ARL15: variants seen among roughly 807,000 people sequenced by gnomAD.
ARL15 encodes the protein ADP-ribosylation factor-like protein 15.
A neutral mutation model predicts 25.2 loss-of-function variants in ARL15; 19 were observed. The observed-to-expected ratio is 0.75, with a 90% CI of 0.53 to 1.10. The LOEUF (loss-of-function observed/expected upper bound fraction) is 1.10. ARL15 is among the 50% of genes least tolerant of loss of function. The pLI, the probability that ARL15 is intolerant of heterozygous loss-of-function variation, is 0.00. For missense variants in ARL15, 220 were observed against 246.0 expected, an observed-to-expected ratio of 0.89 and a Z score of 0.71; for synonymous variants, 94 against 86.8, an observed-to-expected ratio of 1.08 and a Z score of -0.46.
intron 4 of ARL15, among the ~76,000 whole-genome samples, chr5:53,995,058 C>A (rs1032843617): frequency 6.6e-6 from 1 of 152,068 alleles, no homozygotes; most frequent in Non-Finnish European, 1.5e-5. Flanking sequence ...TGCCTGTAAT[C>A]CCAGCACTTT....
intron 4 of ARL15, among the ~76,000 whole-genome samples, chr5:53,903,995 G>C (rs1271907915): frequency 2.6e-5 from 4 of 152,034 alleles, no homozygotes; most frequent in Non-Finnish European, 5.9e-5. Context: ...GGAAAAGAAA[G>C]TACCACAGCA....
chr5:54,232,511 G>A (rs976920726), intron 1 of ARL15, among the ~76,000 whole-genome samples: 3 of 152,142 alleles, frequency 2.0e-5, no homozygotes, highest in African/African-American at 7.2e-5. Flanking sequence ...AAGACCCTAA[G>A]TTCATATTTG....
intron 4 of ARL15, among the ~76,000 whole-genome samples, chr5:54,058,291 C>A (rs1016147767): frequency 1.3e-5 from 2 of 152,086 alleles, no homozygotes; most frequent in African/African-American, 4.8e-5. Context: ...CAGGTGTGAG[C>A]CACCGTGCCT....
At chr5:54,233,821 C>A (rs1370875658) in intron 1 of ARL15, among the ~76,000 whole-genome samples, 7 of 152,140 alleles carry the variant, frequency 4.6e-5, no homozygotes, top group Admixed American at 4.6e-4. Context: ...CATACTTTAA[C>A]CAAAACACAC....
intron 4 of ARL15, among the ~76,000 whole-genome samples, chr5:54,021,179 T>C (rs1749589299): frequency 6.6e-6 from 1 of 150,894 alleles, no homozygotes; most frequent in Non-Finnish European, 1.5e-5. Flanking sequence ...CTACTAAAAA[T>C]ACAAAATTAG....
rs545100222 is a variant in ARL15, at chr5:54,050,671, A to G, written c.462+62531T>C. 8.5e-5 allele frequency among the ~76,000 whole-genome samples: 13 copies of G among 152,306 alleles called. No homozygotes were observed. In the South Asian group the frequency reaches 2.5e-3, roughly 29 times the overall value. ...TGAATATGAGGCTTTATAAACCAAT[A>G]TTTTAAAATTTCATGATCAGAAAAA... On this transcript the variant is annotated intron_variant, in intron 4 of 4. Coordinates refer to ENST00000504924, the MANE Select transcript of ARL15 (RefSeq NM_019087.3).
chr5:53,961,687 A>C (rs1747378984), intron 4 of ARL15, among the ~76,000 whole-genome samples: 1 of 152,196 alleles, frequency 6.6e-6, no homozygotes, highest in African/African-American at 2.4e-5. Flanking sequence ...AGAAAATTCC[A>C]ACAGTAGAGA....
intron 1 of ARL15, among the ~76,000 whole-genome samples, chr5:54,204,459 T>G (rs1032281462): frequency 2.0e-5 from 3 of 152,210 alleles, no homozygotes; most frequent in African/African-American, 7.2e-5. Flanking sequence ...TTTTGGCAGA[T>G]GCACACTGCT....
intron 1 of ARL15, among the ~76,000 whole-genome samples, chr5:54,302,338 C>A (rs1758634929): frequency 6.6e-6 from 1 of 152,212 alleles, no homozygotes; most frequent in Non-Finnish European, 1.5e-5. Context: ...CCCTGACCCT[C>A]CACTGGTTAT....
intron 4 of ARL15, among the ~76,000 whole-genome samples, chr5:53,944,485 G>A (rs891843436): frequency 6.6e-6 from 1 of 151,998 alleles, no homozygotes; most frequent in Admixed American, 6.6e-5. Context: ...GGTGGCATGC[G>A]GGAGGCTGAG....
At chr5:54,075,972 T>C (rs1751586092) in intron 4 of ARL15, among the ~76,000 whole-genome samples, 1 of 152,206 alleles carries the variant, frequency 6.6e-6, no homozygotes, top group Non-Finnish European at 1.5e-5. Context: ...CCCATTATAC[T>C]ACCTTATATC....
chr5:54,007,052 T>C (rs1169477834), intron 4 of ARL15, among the ~76,000 whole-genome samples: 1 of 152,074 alleles, frequency 6.6e-6, no homozygotes. Context: ...TTCAAAAAAA[T>C]AAAGTTAGGT....
chr5:54,215,955 A>G (rs997852496), intron 1 of ARL15, among the ~76,000 whole-genome samples: 1 of 152,236 alleles, frequency 6.6e-6, no homozygotes, highest in African/African-American at 2.4e-5. Context: ...GCATTAGATC[A>G]AAGAATCAAG....
chr5:53,967,798 T>C (rs1747611574), intron 4 of ARL15, among the ~76,000 whole-genome samples: 1 of 151,944 alleles, frequency 6.6e-6, no homozygotes, highest in African/African-American at 2.4e-5. Flanking sequence ...AACATCAGCA[T>C]GTAAGAAGCA....
chr5:54,065,441 G>T (rs1280926230), intron 4 of ARL15, among the ~76,000 whole-genome samples: 1 of 152,102 alleles, frequency 6.6e-6, no homozygotes, highest in Non-Finnish European at 1.5e-5. Flanking sequence ...TGAGGCGGGC[G>T]GATCACCTCA....
chr5:54,252,759 C>CT (rs1391703092), intron 1 of ARL15, among the ~76,000 whole-genome samples: 1 of 152,188 alleles, frequency 6.6e-6, no homozygotes, highest in Non-Finnish European at 1.5e-5. Context: ...AGGTCTCACT[C>CT]TATCACCCAG....
At chr5:54,167,536 G>C (rs975033949) in intron 2 of ARL15, among the ~76,000 whole-genome samples, 5 of 152,128 alleles carry the variant, frequency 3.3e-5, no homozygotes, top group African/African-American at 7.2e-5. Context: ...TGCTGTTGTT[G>C]TTCTTCTTCT....
At chr5:54,078,120 T>A (rs1751670111) in intron 4 of ARL15, among the ~76,000 whole-genome samples, 1 of 152,228 alleles carries the variant, frequency 6.6e-6, no homozygotes, top group Admixed American at 6.5e-5. Flanking sequence ...TTACTTATAA[T>A]ATGCTCTTAA....
At chr5:53,913,490 G>C (rs1195703874) in intron 4 of ARL15, among the ~76,000 whole-genome samples, 2 of 152,160 alleles carry the variant, frequency 1.3e-5, no homozygotes, top group Non-Finnish European at 2.9e-5. Context: ...TAGTTAACTG[G>C]ACTGAAGCCG....
Sources: allele counts gnomAD v4.1 joint callset (sites outside exome capture counted in the v4.1 genomes callset), GRCh38; gene constraint gnomAD v4.1.1; transcripts MANE v1.5; gene names NCBI Gene and HGNC (gene_info 2026-07-23, HGNC 2026-07-21).